The following CSMD1 variants were observed in gnomAD, a reference collection of about 807,000 sequenced individuals.
CSMD1 encodes the protein CUB and Sushi multiple domains 1, also known as CUB and sushi domain-containing protein 1.
A neutral mutation model predicts 417.5 loss-of-function variants in CSMD1; 213 were observed. That is an observed-to-expected ratio of 0.51 (90% CI 0.46 to 0.57). The LOEUF (loss-of-function observed/expected upper bound fraction) is 0.57. Ranked by LOEUF, CSMD1 falls within the 20% of genes least tolerant of loss-of-function variation. The pLI, the probability that CSMD1 is intolerant of heterozygous loss-of-function variation, is 0.00. For synonymous variants in CSMD1, 2,862 were observed against 1,736.8 expected (o/e 1.65, Z -16.11); for missense variants, 6,923 against 4,529.7 (o/e 1.53, Z -15.17).
At chr8:4,227,926 C>A (rs1255555915) in intron 3 of CSMD1, among the ~76,000 whole-genome samples, 1 of 151,126 alleles carries the variant, frequency 6.6e-6, no homozygotes, top group Non-Finnish European at 1.5e-5. Flanking sequence ...TTAAATCCCA[C>A]ACCTAGACAC....
intron 54 of CSMD1, among the ~76,000 whole-genome samples, chr8:2,992,658 C>T (rs1469318704): frequency 2.6e-5 from 4 of 152,072 alleles, no homozygotes; most frequent in Admixed American, 6.5e-5. Flanking sequence ...AACTCCTGAC[C>T]TCGTGATCTG....
chr8:3,726,460 T>A (rs538621112), intron 6 of CSMD1, among the ~76,000 whole-genome samples: 3 of 152,290 alleles, frequency 2.0e-5, no homozygotes, highest in South Asian at 4.1e-4. Context: ...AGGTATTGAA[T>A]GTGTAGAGCC....
chr8:4,223,123 C>A (rs985825844), intron 3 of CSMD1, among the ~76,000 whole-genome samples: 4 of 149,026 alleles, frequency 2.7e-5, no homozygotes, highest in East Asian at 4.2e-4. Context: ...TAGCAAGTGG[C>A]TCAGTAAGAC....
chr8:4,449,358 T>C (rs1798996479), intron 2 of CSMD1, among the ~76,000 whole-genome samples: 1 of 152,194 alleles, frequency 6.6e-6, no homozygotes, highest in South Asian at 2.1e-4. Flanking sequence ...CCCTCTCTTT[T>C]TTTCCAGAAT....
chr8:3,274,232 G>A (rs1204497253), intron 26 of CSMD1, among the ~76,000 whole-genome samples: 11 of 151,728 alleles, frequency 7.2e-5, no homozygotes, highest in Admixed American at 1.3e-4. Context: ...ATGTAGTTGA[G>A]CGGTTTTGAG....
At chr8:4,133,568 G>A (rs182873256) in intron 3 of CSMD1, among the ~76,000 whole-genome samples, 2 of 152,142 alleles carry the variant, frequency 1.3e-5, no homozygotes, top group South Asian at 2.1e-4. Context: ...TAGGAAAGCC[G>A]TGCATTAACG....
At chr8:3,542,235 T>G (rs1224164324) in intron 10 of CSMD1, among the ~76,000 whole-genome samples, 1 of 152,214 alleles carries the variant, frequency 6.6e-6, no homozygotes, top group Non-Finnish European at 1.5e-5. Context: ...TGACTATTTG[T>G]GACATACTGT....
chr8:4,326,700 C>T (rs1799582484), intron 3 of CSMD1, among the ~76,000 whole-genome samples: 1 of 152,102 alleles, frequency 6.6e-6, no homozygotes, highest in Admixed American at 6.6e-5. Context: ...GAACATGAAA[C>T]ATTCCGTTTG....
intron 1 of CSMD1, among the ~76,000 whole-genome samples, chr8:4,952,007 T>C (rs1264182187): frequency 1.3e-5 from 2 of 151,182 alleles, no homozygotes; most frequent in Admixed American, 1.3e-4. Context: ...AAGGTTTTAA[T>C]TATATATATA....
intron 7 of CSMD1, among the ~76,000 whole-genome samples, chr8:3,643,792 A>T (rs901743133): frequency 6.6e-6 from 1 of 151,732 alleles, no homozygotes; most frequent in African/African-American, 2.4e-5. Flanking sequence ...CACCAGTAAT[A>T]CAGAGAAGGG....
At chr8:3,894,829 G>C (rs1280337297) in intron 5 of CSMD1, among the ~76,000 whole-genome samples, 1 of 152,132 alleles carries the variant, frequency 6.6e-6, no homozygotes, top group Non-Finnish European at 1.5e-5. Context: ...TCACTGACAA[G>C]GGTTTGCTCT....
At chr8:3,964,686 A>G (rs1174455743) in intron 5 of CSMD1, among the ~76,000 whole-genome samples, 1 of 152,196 alleles carries the variant, frequency 6.6e-6, no homozygotes, top group Non-Finnish European at 1.5e-5. Flanking sequence ...TTTTAAATGG[A>G]CCATAGTTAT....
intron 1 of CSMD1, among the ~76,000 whole-genome samples, chr8:4,648,770 T>C (rs1326607916): frequency 1.3e-5 from 2 of 152,214 alleles, no homozygotes; most frequent in African/African-American, 4.8e-5. Context: ...TCCATTATGT[T>C]GGAGTTGAGA....
chr8:4,385,309 T>G (rs906518992), intron 3 of CSMD1, among the ~76,000 whole-genome samples: 1 of 152,212 alleles, frequency 6.6e-6, no homozygotes, highest in African/African-American at 2.4e-5. Context: ...TAAACAATGA[T>G]GTAGTCTGAC....
intron 3 of CSMD1, among the ~76,000 whole-genome samples, chr8:4,216,420 A>G (rs888629681): frequency 6.6e-6 from 1 of 152,156 alleles, no homozygotes; most frequent in Non-Finnish European, 1.5e-5. Context: ...TAAAATTAAT[A>G]CTTATTTGAA....
At chr8:3,942,670 T>C (rs1810962293) in intron 5 of CSMD1, among the ~76,000 whole-genome samples, 1 of 152,188 alleles carries the variant, frequency 6.6e-6, no homozygotes. Context: ...GTTTATGATT[T>C]ATAGGTCCTT....
intron 54 of CSMD1, among the ~76,000 whole-genome samples, chr8:2,988,740 G>A (rs549875408): frequency 1.7e-4 from 26 of 152,220 alleles, no homozygotes; most frequent in African/African-American, 5.5e-4. Flanking sequence ...TAGTGTTACT[G>A]GGTTGAGTAT....
chr8:3,643,700 C>CAAAAAAAA (rs66500235), intron 7 of CSMD1, among the ~76,000 whole-genome samples: 14 of 85,332 alleles, frequency 1.6e-4, no homozygotes, highest in African/African-American at 4.9e-4. Flanking sequence ...GACTCCGTCT[C>CAAAAAAAA]AAAAAAAAAA....
chr8:3,587,169 T>TTTGCAAACATGGAGCTTTACGG (rs1298411673), intron 8 of CSMD1, among the ~76,000 whole-genome samples: 8 of 152,208 alleles, frequency 5.3e-5, no homozygotes, highest in African/African-American at 1.9e-4. Flanking sequence ...CAGAGCTGCA[T>TTTGCAAACATGGAGCTTTACGG]TTGCAAACAT....
Sources: gnomAD v4.1 joint callset for allele counts (sites outside exome capture counted in the v4.1 genomes callset) on GRCh38, gnomAD v4.1.1 for gene constraint, MANE v1.5 for transcripts, NCBI Gene and HGNC (gene_info 2026-07-23, HGNC 2026-07-21) for gene names.